COP1: variants seen among roughly 807,000 people sequenced by gnomAD.
The protein encoded by COP1 is E3 ubiquitin-protein ligase COP1.
In COP1, 24 loss-of-function variants were observed where a neutral mutation model predicts 101.3. The ratio of observed to expected loss-of-function variants is 0.24; its 90% confidence interval spans 0.17 to 0.33. COP1 has a LOEUF of 0.33. COP1 is among the 10% of genes least tolerant of loss of function. The pLI, the probability that COP1 is intolerant of heterozygous loss-of-function variation, is 1.00. For missense variants in COP1, 663 were observed against 906.2 expected (o/e 0.73, Z 3.45); for synonymous variants, 347 against 341.9 (o/e 1.01, Z -0.17).
intron 11 of COP1, among the ~76,000 whole-genome samples, chr1:176,079,619 T>G (rs181839495): frequency 4.4e-4 from 67 of 151,850 alleles, no homozygotes; most frequent in African/African-American, 1.6e-3. Context: ...CCTGCTTATG[T>G]ACCCTTTAAT....
intron 15 of COP1, among the ~76,000 whole-genome samples, chr1:176,008,000 C>T (rs1295313165): frequency 1.3e-5 from 2 of 152,250 alleles, no homozygotes; most frequent in South Asian, 2.1e-4. Context: ...AGGGAGACTC[C>T]GTGGGCGTAG....
At chr1:176,070,717 T>C (rs1256232412) in intron 11 of COP1, among the ~76,000 whole-genome samples, 1 of 152,152 alleles carries the variant, frequency 6.6e-6, no homozygotes, top group Non-Finnish European at 1.5e-5. Context: ...AGTAGTGCCA[T>C]CATAGCTCAC....
At position 176,051,581 on chromosome 1, in the gene COP1, T is replaced by A. The variant is rs534727567; in HGVS notation, c.1278-5257A>T. Among the ~76,000 whole-genome samples the A allele has an allele frequency of 9.0e-3, 1,367 of 151,424 alleles. 22 individuals carry two copies. The highest frequency in any genetic ancestry group is 0.029 in the African/African-American group (1,196 of 41,286). ...TTTAGTGTATATCTTCTACTTATTT[T>A]AAAAAAAAACAAACAAACTGTAAAG... On this transcript the variant is annotated intron_variant, in intron 11 of 19. Coordinates refer to ENST00000367669, the MANE Select transcript of COP1 (RefSeq NM_022457.7).
chr1:176,031,399 A>G (rs889190961), intron 14 of COP1, among the ~76,000 whole-genome samples: 1 of 152,188 alleles, frequency 6.6e-6, no homozygotes, highest in Non-Finnish European at 1.5e-5. Flanking sequence ...ACAGTATACA[A>G]ATTAATAAGA....
At chr1:176,166,333 C>T (rs1370378414) in intron 3 of COP1, among the ~76,000 whole-genome samples, 1 of 152,100 alleles carries the variant, frequency 6.6e-6, no homozygotes, top group African/African-American at 2.4e-5. Context: ...CACCATGTTG[C>T]CCAGGCTGAT....
At position 176,064,097 on chromosome 1, in the gene COP1, G is replaced by A. The variant is rs562473526; in HGVS notation, c.1277+17055C>T. Among the ~76,000 whole-genome samples the A allele has an allele frequency of 1.3e-4, 20 of 152,170 alleles. No homozygotes were observed. The South Asian group carries it at 2.1e-3, about 16-fold the overall frequency. On this transcript the variant is annotated intron_variant, in intron 11 of 19. Coordinates refer to ENST00000367669, the MANE Select transcript of COP1 (RefSeq NM_022457.7). ...AGTATAAAAACCATCTGTACCTGAC[G>A]GATCTTTCAAAACTAGGTAATGGGT...
At chr1:176,009,680 A>G (rs1220829070) in intron 15 of COP1, among the ~76,000 whole-genome samples, 1 of 152,158 alleles carries the variant, frequency 6.6e-6, no homozygotes, top group Non-Finnish European at 1.5e-5. Context: ...ATACCAGTTA[A>G]TCCGATTATT....
chr1:176,029,419 C>A (rs1668291388), intron 14 of COP1, among the ~76,000 whole-genome samples: 1 of 152,076 alleles, frequency 6.6e-6, no homozygotes, highest in Admixed American at 6.6e-5. Flanking sequence ...GGTACCAGAG[C>A]AACTATCATA....
intron 15 of COP1, among the ~76,000 whole-genome samples, chr1:176,010,703 T>C (rs899722302): frequency 9.2e-5 from 14 of 152,328 alleles, no homozygotes; most frequent in African/African-American, 3.4e-4. Flanking sequence ...CTGTCTCTCT[T>C]ATTTCAGTTG....
chr1:176,143,955 AC>A (rs142572830), intron 6 of COP1, among the ~76,000 whole-genome samples: 9,193 of 152,148 alleles, frequency 0.06, 724 homozygotes, highest in African/African-American at 0.19. Context: ...AAAATTTACT[AC>A]CTTGAGTGAT....
At chr1:176,145,545 T>C (rs1413469708) in intron 6 of COP1, among the ~76,000 whole-genome samples, 2 of 152,158 alleles carry the variant, frequency 1.3e-5, no homozygotes, top group Non-Finnish European at 2.9e-5. Context: ...TAAACCTGGA[T>C]ACACATATAA....
intron 18 of COP1, among the ~76,000 whole-genome samples, chr1:175,975,153 T>A (rs185831580): frequency 1.6e-4 from 24 of 152,302 alleles, no homozygotes; most frequent in African/African-American, 5.8e-4. Context: ...TGCAAATCTC[T>A]GTATCTAAAA....
At chr1:176,053,601 T>C (rs1224482870) in intron 11 of COP1, among the ~76,000 whole-genome samples, 1 of 152,160 alleles carries the variant, frequency 6.6e-6, no homozygotes, top group Non-Finnish European at 1.5e-5. Context: ...GACCACACCC[T>C]AAACACTTTT....
chr1:176,201,261 C>T lies in COP1; in HGVS notation c.407+5311G>A, dbSNP rs576011123. ...AGCACTTCAGATAGAGGATACTCAC[C>T]CTGTAATACAAATTTTAACAGGAAA... On this transcript the variant is annotated intron_variant, in intron 1 of 19. Coordinates refer to ENST00000367669, the MANE Select transcript of COP1 (RefSeq NM_022457.7). 2.6e-5 allele frequency among the ~76,000 whole-genome samples: 4 copies of T among 152,174 alleles called. No homozygotes were observed. The South Asian group carries it at 6.2e-4, about 24-fold the overall frequency.
At chr1:176,173,879 CAG>C (rs1696509160) in intron 3 of COP1, among the ~76,000 whole-genome samples, 1 of 145,988 alleles carries the variant, frequency 6.8e-6, no homozygotes. Context: ...TTCCAGCAAC[CAG>C]AGAGACTGCG....
chr1:176,000,705 GT>G (rs1661394117), intron 15 of COP1, among the ~76,000 whole-genome samples: 1 of 151,156 alleles, frequency 6.6e-6, no homozygotes, highest in Admixed American at 6.6e-5. Context: ...CCTGTATATG[GT>G]AGAATTTTTA....
intron 1 of COP1, among the ~76,000 whole-genome samples, chr1:176,188,694 T>A (rs1006954407): frequency 6.6e-6 from 1 of 152,190 alleles, no homozygotes; most frequent in African/African-American, 2.4e-5. Context: ...CTACCGTAAC[T>A]GTTTTGGGGA....
At chr1:176,158,775 G>A (rs1396553987) in intron 5 of COP1, among the ~76,000 whole-genome samples, 2 of 151,578 alleles carry the variant, frequency 1.3e-5, no homozygotes, top group Non-Finnish European at 1.5e-5. Context: ...AAGTAGCTGG[G>A]ACTATAGGCG....
intron 14 of COP1, among the ~76,000 whole-genome samples, chr1:176,036,125 A>C (rs1669496487): frequency 6.6e-6 from 1 of 152,132 alleles, no homozygotes; most frequent in Admixed American, 6.5e-5. Flanking sequence ...ATAGTCATGA[A>C]AACTTGGTTT....
Sources: gnomAD v4.1 joint callset for allele counts (sites outside exome capture counted in the v4.1 genomes callset) on GRCh38, gnomAD v4.1.1 for gene constraint, MANE v1.5 for transcripts, NCBI Gene and HGNC (gene_info 2026-07-23, HGNC 2026-07-21) for gene names.